The following NEGR1 variants were observed in gnomAD, a reference collection of about 807,000 sequenced individuals.
NEGR1 encodes the protein IgLON family member 4.
A neutral mutation model predicts 40.9 loss-of-function variants in NEGR1; 10 were observed. That is an observed-to-expected ratio of 0.24 (90% CI 0.15 to 0.42). The LOEUF is 0.42. Ranked by LOEUF, NEGR1 falls within the 10% of genes least tolerant of loss-of-function variation. The pLI is 1.00. For synonymous variants in NEGR1, 185 were observed against 166.8 expected (o/e 1.11, Z -0.84); for missense variants, 352 against 438.9 (o/e 0.80, Z 1.77).
chr1:71,819,710 C>A (rs1260726234), intron 2 of NEGR1, among the ~76,000 whole-genome samples: 2 of 151,788 alleles, frequency 1.3e-5, no homozygotes, highest in African/African-American at 4.8e-5. Context: ...AGAAATAAAT[C>A]AATGCAAATC....
At chr1:72,117,362 C>T (rs1032651229) in intron 1 of NEGR1, among the ~76,000 whole-genome samples, 4 of 151,622 alleles carry the variant, frequency 2.6e-5, no homozygotes, top group Non-Finnish European at 5.9e-5. Context: ...TGCATTAGTT[C>T]CTCTATTATT....
intron 2 of NEGR1, among the ~76,000 whole-genome samples, chr1:71,898,875 ATTGCAAATATAT>A (rs1213020320): frequency 8.0e-5 from 6 of 75,130 alleles, no homozygotes; most frequent in Non-Finnish European, 1.7e-4. Flanking sequence ...AAATATATAT[ATTGCAAATATAT>A]ATATATTGCA....
chr1:71,484,314 C>T (rs1646873953), intron 6 of NEGR1, among the ~76,000 whole-genome samples: 1 of 151,116 alleles, frequency 6.6e-6, no homozygotes, highest in African/African-American at 2.4e-5. Flanking sequence ...TTTTTCATCT[C>T]CAGGGTCAAC....
intron 1 of NEGR1, among the ~76,000 whole-genome samples, chr1:72,093,382 G>A (rs1160818230): frequency 4.1e-5 from 6 of 147,110 alleles, no homozygotes; most frequent in African/African-American, 1.5e-4. Context: ...AAAAATTTTA[G>A]TTATTAAACT....
chr1:71,529,600 G>A (rs547657855), intron 6 of NEGR1, among the ~76,000 whole-genome samples: 5 of 151,290 alleles, frequency 3.3e-5, no homozygotes, highest in African/African-American at 1.2e-4. Flanking sequence ...ATGATCTCAA[G>A]AATGTGTTTG....
At chr1:71,971,357 G>A (rs1459133355) in intron 1 of NEGR1, among the ~76,000 whole-genome samples, 1 of 152,108 alleles carries the variant, frequency 6.6e-6, no homozygotes, top group Non-Finnish European at 1.5e-5. Context: ...CCAAGGAAAT[G>A]AATTCATTCA....
intron 1 of NEGR1, among the ~76,000 whole-genome samples, chr1:72,186,857 A>C (rs1413053783): frequency 6.6e-6 from 1 of 151,616 alleles, no homozygotes; most frequent in Non-Finnish European, 1.5e-5. Context: ...GATTATCATC[A>C]GTCTTCTGAC....
At chr1:71,925,043 C>T (rs1645759094) in intron 2 of NEGR1, among the ~76,000 whole-genome samples, 1 of 152,036 alleles carries the variant, frequency 6.6e-6, no homozygotes, top group African/African-American at 2.4e-5. Flanking sequence ...TACTGAGTTT[C>T]TAACATTTGT....
At chr1:71,677,264 G>A (rs904381634) in intron 4 of NEGR1, among the ~76,000 whole-genome samples, 7 of 151,922 alleles carry the variant, frequency 4.6e-5, no homozygotes, top group Admixed American at 2.0e-4. Flanking sequence ...CCCACAATCT[G>A]GTCTCCGGAT....
At chr1:72,091,071 C>A (rs1028649562) in intron 1 of NEGR1, among the ~76,000 whole-genome samples, 5 of 152,074 alleles carry the variant, frequency 3.3e-5, no homozygotes, top group Admixed American at 6.6e-5. Context: ...CAATTCCACT[C>A]CTCCAAAATT....
At chr1:71,501,810 A>G (rs1215279104) in intron 6 of NEGR1, among the ~76,000 whole-genome samples, 1 of 152,224 alleles carries the variant, frequency 6.6e-6, no homozygotes, top group East Asian at 1.9e-4. Flanking sequence ...TTTGCCCTTG[A>G]TAGAGTTTAT....
chr1:71,855,774 G>A (rs1659740581), intron 2 of NEGR1, among the ~76,000 whole-genome samples: 1 of 151,926 alleles, frequency 6.6e-6, no homozygotes, highest in East Asian at 1.9e-4. Context: ...TGTTTTAATA[G>A]ATGCTTTGGG....
At chr1:72,131,672 T>C (rs2100314064) in intron 1 of NEGR1, among the ~76,000 whole-genome samples, 1 of 152,322 alleles carries the variant, frequency 6.6e-6, no homozygotes, top group South Asian at 2.1e-4. Context: ...AAATAGATTT[T>C]TCAAGATAAC....
intron 1 of NEGR1, among the ~76,000 whole-genome samples, chr1:72,184,725 A>C (rs779950992): frequency 1.1e-4 from 16 of 152,018 alleles, no homozygotes; most frequent in Non-Finnish European, 2.4e-4. Flanking sequence ...CCATCCGGTC[A>C]TAGTACTACC....
intron 6 of NEGR1, among the ~76,000 whole-genome samples, chr1:71,530,635 A>T (rs1647330533): frequency 6.6e-6 from 1 of 151,432 alleles, no homozygotes; most frequent in African/African-American, 2.4e-5. Context: ...CTAAAAGTTT[A>T]TATTATCTTT....
intron 6 of NEGR1, among the ~76,000 whole-genome samples, chr1:71,427,528 A>T (rs953118358): frequency 1.3e-5 from 2 of 152,210 alleles, no homozygotes; most frequent in Non-Finnish European, 2.9e-5. Context: ...TTCTATGAAG[A>T]GTTAACCAAG....
intron 1 of NEGR1, among the ~76,000 whole-genome samples, chr1:72,066,545 T>C (rs2100502798): frequency 6.6e-6 from 1 of 152,186 alleles, no homozygotes; most frequent in Non-Finnish European, 1.5e-5. Context: ...ATAGATTCCT[T>C]AAGGAGGTAA....
chr1:71,817,075 C>T (rs1658249978), intron 2 of NEGR1, among the ~76,000 whole-genome samples: 4 of 152,066 alleles, frequency 2.6e-5, no homozygotes, highest in Admixed American at 2.6e-4. Flanking sequence ...CTCCTCAGCC[C>T]ACTCCAATCA....
intron 6 of NEGR1, among the ~76,000 whole-genome samples, chr1:71,502,406 A>G (rs2101402784): frequency 6.6e-6 from 1 of 152,302 alleles, no homozygotes; most frequent in African/African-American, 2.4e-5. Flanking sequence ...TAACTGCCCC[A>G]GGTGTGCCTG....
Sources: gnomAD v4.1 joint callset for allele counts (sites outside exome capture counted in the v4.1 genomes callset) on GRCh38, gnomAD v4.1.1 for gene constraint, MANE v1.5 for transcripts, NCBI Gene and HGNC (gene_info 2026-07-23, HGNC 2026-07-21) for gene names.